Variants in CLIC5 observed in about 807,000 individuals in gnomAD.
CLIC5 encodes the protein CLIC family member 5.
CLIC5 carries 20 observed loss-of-function variants against 24.7 expected under a neutral mutation model. That is an observed-to-expected ratio of 0.81 (90% CI 0.57 to 1.18). CLIC5 has a LOEUF of 1.18. CLIC5 is among the 50% of genes most tolerant of loss of function. The probability of loss-of-function intolerance (pLI) is 0.00; values close to 1 mark genes in which losing one functional copy is unlikely to be tolerated. For missense variants in CLIC5, 341 were observed against 326.1 expected (o/e 1.05, Z -0.35); for synonymous variants, 159 against 135.6 (o/e 1.17, Z -1.20).
intron 1 of CLIC5, among the ~76,000 whole-genome samples, chr6:46,044,885 C>T (rs1349265418): frequency 1.3e-5 from 2 of 152,128 alleles, no homozygotes; most frequent in Non-Finnish European, 2.9e-5. Flanking sequence ...CAATGAGAAT[C>T]AAATTAATAA....
intron 1 of CLIC5, among the ~76,000 whole-genome samples, chr6:46,043,057 T>C (rs538664904): frequency 6.6e-6 from 1 of 152,182 alleles, no homozygotes; most frequent in Non-Finnish European, 1.5e-5. Context: ...TTTGCAGGGA[T>C]TTTTACCTTC....
At chr6:45,979,136 T>C (rs1359035591) in intron 1 of CLIC5, among the ~76,000 whole-genome samples, 2 of 152,086 alleles carry the variant, frequency 1.3e-5, no homozygotes, top group Non-Finnish European at 2.9e-5. Flanking sequence ...GGACAAGTCA[T>C]TTACCTCCTC....
chr6:46,072,934 T>G (rs1403831637), intron 1 of CLIC5, among the ~76,000 whole-genome samples: 4 of 152,178 alleles, frequency 2.6e-5, no homozygotes, highest in Non-Finnish European at 2.9e-5. Context: ...CTGAAGCATA[T>G]TCATGAACAT....
intron 2 of CLIC5, among the ~76,000 whole-genome samples, chr6:45,952,285 A>G (rs1764498144): frequency 6.6e-6 from 1 of 152,232 alleles, no homozygotes; most frequent in African/African-American, 2.4e-5. Context: ...AGTTGAGACT[A>G]TATCATTAGC....
At chr6:46,021,536 G>A (rs569728144) in intron 1 of CLIC5, among the ~76,000 whole-genome samples, 2 of 151,892 alleles carry the variant, frequency 1.3e-5, no homozygotes, top group Non-Finnish European at 2.9e-5. Flanking sequence ...ATCCCCAAAT[G>A]TTCCTCAATG....
rs1022018816 is a variant in CLIC5 at position 45,902,389 on chromosome 6, C to G, written c.*699G>C. ...GCAGTTTAGAATTGCATGCCAATTT[C>G]CTTTTCTGGCAGGGCCTGGACGGCA... On this transcript the variant is annotated 3_prime_UTR_variant, in exon 6 of 6. Transcript: ENST00000339561. 6.5e-6 allele frequency: 1 copy of G among 152,868 alleles called. No homozygotes were observed. Among genetic ancestry groups the G allele is most frequent in the Admixed American group, 6.5e-5 (1 of 15,310 alleles). 9.5% of individuals were successfully genotyped at this position (152,868 alleles called of 1,614,324 possible). A position where few individuals can be genotyped will look rare whatever the true frequency, so the allele number is the denominator to read the frequency against.
chr6:46,029,257 T>C (rs188543003), intron 1 of CLIC5, among the ~76,000 whole-genome samples: 35 of 152,336 alleles, frequency 2.3e-4, no homozygotes, highest in Middle Eastern at 3.4e-3. Context: ...CACAGTTCAC[T>C]TAACGGCTGT....
intron 1 of CLIC5, among the ~76,000 whole-genome samples, chr6:46,057,569 C>T (rs1221383371): frequency 6.6e-6 from 1 of 152,162 alleles, no homozygotes; most frequent in Non-Finnish European, 1.5e-5. Context: ...TAAGTCTATT[C>T]TGCTTAACTT....
At chr6:45,965,605 A>G (rs1437455964) in intron 1 of CLIC5, among the ~76,000 whole-genome samples, 2 of 152,222 alleles carry the variant, frequency 1.3e-5, no homozygotes, top group Non-Finnish European at 2.9e-5. Flanking sequence ...AAATGTACCA[A>G]AACACAGGAA....
chr6:45,889,874 T>C (rs1189419594), intron 6 of CLIC5, among the ~76,000 whole-genome samples: 1 of 152,182 alleles, frequency 6.6e-6, no homozygotes, highest in African/African-American at 2.4e-5. Context: ...AGCAAAAGAC[T>C]AGAAATGACT....
At chr6:46,027,324 A>C (rs1370597592) in intron 1 of CLIC5, among the ~76,000 whole-genome samples, 1 of 152,208 alleles carries the variant, frequency 6.6e-6, no homozygotes, top group African/African-American at 2.4e-5. Context: ...GTTCATTTGA[A>C]GACTGAAGGG....
chr6:46,009,724 A>T (rs1188449794), intron 1 of CLIC5, among the ~76,000 whole-genome samples: 1 of 152,208 alleles, frequency 6.6e-6, no homozygotes, highest in African/African-American at 2.4e-5. Context: ...AGGAAGGGGT[A>T]GTAAAATCTG....
chr6:46,028,190 T>A (rs1308256517), intron 1 of CLIC5, among the ~76,000 whole-genome samples: 2 of 152,120 alleles, frequency 1.3e-5, no homozygotes, highest in Non-Finnish European at 2.9e-5. Flanking sequence ...GTCAACAAAT[T>A]AAAAGGCAGA....
intron 1 of CLIC5, among the ~76,000 whole-genome samples, chr6:45,965,906 C>T (rs948646593): frequency 3.9e-5 from 6 of 152,144 alleles, no homozygotes; most frequent in Non-Finnish European, 5.9e-5. Context: ...ATCCTCATAC[C>T]AAACAAGGAT....
chr6:46,113,374 G>A, the CLIC5 span, among the ~76,000 whole-genome samples: 2 of 152,144 alleles, frequency 1.3e-5, no homozygotes, highest in African/African-American at 4.8e-5. Context: ...TCGGGAAGAA[G>A]GGGGGTGGCC....
intron 2 of CLIC5, among the ~76,000 whole-genome samples, chr6:45,951,431 G>T (rs1764464308): frequency 6.6e-6 from 1 of 152,194 alleles, no homozygotes; most frequent in Non-Finnish European, 1.5e-5. Context: ...GTGCACTGGG[G>T]AGCACACTGA....
intron 3 of CLIC5, among the ~76,000 whole-genome samples, chr6:45,946,385 G>T (rs1051550108): frequency 6.6e-6 from 1 of 152,208 alleles, no homozygotes; most frequent in African/African-American, 2.4e-5. Context: ...GACACCAAAT[G>T]CTCCCTGGGA....
intron 1 of CLIC5, among the ~76,000 whole-genome samples, chr6:45,973,274 G>A (rs1241749217): frequency 6.6e-6 from 1 of 152,146 alleles, no homozygotes; most frequent in Non-Finnish European, 1.5e-5. Flanking sequence ...TTAGTAAACT[G>A]GGCTCTCTAA....
At chr6:45,929,296 C>T (rs184362969) in intron 4 of CLIC5, among the ~76,000 whole-genome samples, 2 of 152,216 alleles carry the variant, frequency 1.3e-5, no homozygotes, top group African/African-American at 2.4e-5. Flanking sequence ...TCAGGCAGCT[C>T]ATGGGAGGGA....
Sources: gnomAD v4.1 joint callset for allele counts (sites outside exome capture counted in the v4.1 genomes callset) on GRCh38, gnomAD v4.1.1 for gene constraint, MANE v1.5 for transcripts, NCBI Gene and HGNC (gene_info 2026-07-23, HGNC 2026-07-21) for gene names.